SCML4: variants seen among roughly 807,000 people sequenced by gnomAD.
The protein encoded by SCML4 is sex comb on midleg-like protein 4.
A neutral mutation model predicts 41.1 loss-of-function variants in SCML4; 34 were observed. That is an observed-to-expected ratio of 0.83 (90% confidence interval 0.63 to 1.10). The LOEUF is 1.10. SCML4 is among the 50% of genes least tolerant of loss of function. The pLI is 0.00. For synonymous variants in SCML4, 214 were observed against 220.9 expected, an observed-to-expected ratio of 0.97 and a Z score of 0.28; for missense variants, 522 against 534.1, an observed-to-expected ratio of 0.98 and a Z score of 0.22.
chr6:107,794,364 A>G (rs984762428), intron 1 of SCML4, among the ~76,000 whole-genome samples: 1 of 152,198 alleles, frequency 6.6e-6, no homozygotes, highest in Non-Finnish European at 1.5e-5. Context: ...TTTAGAAACA[A>G]TCATTCCCTG....
chr6:107,720,046 T>C, intron 6 of SCML4: 5 of 985,478 alleles, frequency 5.1e-6, no homozygotes, highest in Non-Finnish European at 6.0e-6. Flanking sequence ...CAACCAGCAT[T>C]GGGGGAATTT....
chr6:107,720,307 A>G (rs1262560694), intron 6 of SCML4: 13 of 875,024 alleles, frequency 1.5e-5, no homozygotes, highest in Non-Finnish European at 1.6e-5. Context: ...TTCCCTTTCT[A>G]TTCCCTAATG....
At chr6:107,767,835 G>A (rs57366518) in intron 2 of SCML4, among the ~76,000 whole-genome samples, 1,821 of 152,238 alleles carry the variant, frequency 0.012, 47 homozygotes, top group East Asian at 0.11. Context: ...GTGTGACTTC[G>A]AGAATTGAGC....
intron 1 of SCML4, among the ~76,000 whole-genome samples, chr6:107,813,382 A>AT (rs1784321442): frequency 2.5e-4 from 4 of 15,786 alleles, no homozygotes; most frequent in African/African-American, 8.1e-4. Flanking sequence ...ATATATATAT[A>AT]TATATATATA....
intron 1 of SCML4, among the ~76,000 whole-genome samples, chr6:107,814,843 G>A (rs576266525): frequency 3.3e-5 from 5 of 152,168 alleles, no homozygotes; most frequent in Non-Finnish European, 7.3e-5. Context: ...GTGAGCCACC[G>A]TGCCAGGCCG....
At chr6:107,715,197 A>G (rs1583385485) in intron 6 of SCML4, among the ~76,000 whole-genome samples, 1 of 125,458 alleles carries the variant, frequency 8.0e-6, no homozygotes, top group Non-Finnish European at 1.6e-5. Flanking sequence ...CTGGTCTTGA[A>G]CTCCTGACCT....
intron 1 of SCML4, among the ~76,000 whole-genome samples, chr6:107,821,311 G>A (rs960453145): frequency 6.6e-6 from 1 of 152,168 alleles, no homozygotes; most frequent in African/African-American, 2.4e-5. Flanking sequence ...GTCTGCTTTT[G>A]AAGGCAATGA....
intron 1 of SCML4, among the ~76,000 whole-genome samples, chr6:107,801,877 G>A (rs188874412): frequency 1.1e-4 from 17 of 151,538 alleles, no homozygotes; most frequent in East Asian, 5.8e-4. Flanking sequence ...TGATTCTCCC[G>A]CCTCAGCCTC....
At chr6:107,710,029 C>T (rs1774085342) in intron 6 of SCML4, among the ~76,000 whole-genome samples, 1 of 152,186 alleles carries the variant, frequency 6.6e-6, no homozygotes, top group Non-Finnish European at 1.5e-5. Flanking sequence ...TTTATTCCTA[C>T]ATCTTTATTT....
chr6:107,772,130 C>A, intron 2 of SCML4, 42 bp downstream of exon 2: 1 of 1,516,850 alleles, frequency 6.6e-7, no homozygotes, highest in Non-Finnish European at 8.9e-7. Flanking sequence ...ACCCGTGCCC[C>A]AGCCCAATAC....
chr6:107,781,663 C>T (rs1728062104), intron 1 of SCML4, among the ~76,000 whole-genome samples: 1 of 147,878 alleles, frequency 6.8e-6, no homozygotes, highest in Admixed American at 6.7e-5. Context: ...GAGTATGACC[C>T]TGTCTCAAAA....
chr6:107,819,125 G>C (rs139264775), intron 1 of SCML4, among the ~76,000 whole-genome samples: 2,886 of 136,734 alleles, frequency 0.021, 92 homozygotes, highest in African/African-American at 0.071. Flanking sequence ...AAGAGGGAGA[G>C]TGAAGGTCTA....
the SCML4 span, among the ~76,000 whole-genome samples, chr6:107,831,163 G>A: frequency 6.6e-6 from 1 of 152,094 alleles, no homozygotes; most frequent in African/African-American, 2.4e-5. Context: ...GAGATGAGGG[G>A]AGGGGGACAC....
chr6:107,795,825 C>A (rs1355286744), intron 1 of SCML4, among the ~76,000 whole-genome samples: 7 of 152,284 alleles, frequency 4.6e-5, no homozygotes, highest in East Asian at 1.9e-4. Context: ...CCGCGCCCAG[C>A]CAGAAAGGTT....
At chr6:107,707,395 T>C (rs1197241239) in intron 7 of SCML4, among the ~76,000 whole-genome samples, 1 of 152,170 alleles carries the variant, frequency 6.6e-6, no homozygotes, top group African/African-American at 2.4e-5. Flanking sequence ...ACCATCTCTA[T>C]ATTTTAGCAT....
At chr6:107,762,081 C>A (rs1035847332) in intron 2 of SCML4, among the ~76,000 whole-genome samples, 2 of 151,928 alleles carry the variant, frequency 1.3e-5, no homozygotes, top group Non-Finnish European at 2.9e-5. Flanking sequence ...TGCATGGCAA[C>A]AATAATATAT....
chr6:107,746,076 G>A (rs1018871628), intron 4 of SCML4: 25 of 152,232 alleles, frequency 1.6e-4, no homozygotes, highest in African/African-American at 6.0e-4. Flanking sequence ...AGTCAGAAAA[G>A]GATTCCTGGA....
chr6:107,802,577 AGGG>A (rs1783230528), intron 1 of SCML4, among the ~76,000 whole-genome samples: 1 of 55,598 alleles, frequency 1.8e-5, no homozygotes. Context: ...CGAGGGAGGG[AGGG>A]AGGAAGGAAG....
At chr6:107,842,328 G>A in the SCML4 span, among the ~76,000 whole-genome samples, 2 of 151,964 alleles carry the variant, frequency 1.3e-5, no homozygotes, top group South Asian at 2.1e-4. Context: ...TTTCTTTATG[G>A]TTCAAAATAT....
Sources: allele counts gnomAD v4.1 joint callset (sites outside exome capture counted in the v4.1 genomes callset), GRCh38; gene constraint gnomAD v4.1.1; transcripts MANE v1.5; gene names NCBI Gene and HGNC (gene_info 2026-07-23, HGNC 2026-07-21).